The following SCD5 variants were observed in gnomAD, a reference collection of about 807,000 sequenced individuals.
SCD5 encodes stearoyl-CoA desaturase 5.
A neutral mutation model predicts 30.4 loss-of-function variants in SCD5; 20 were observed. The ratio of observed to expected loss-of-function variants is 0.66; its 90% CI spans 0.46 to 0.96. The LOEUF is 0.96. SCD5 is among the 40% of genes least tolerant of loss of function. The pLI is 0.00. For missense variants in SCD5, 381 were observed against 443.3 expected (o/e 0.86, Z 1.26); for synonymous variants, 173 against 176.4 (o/e 0.98, Z 0.16).
At chr4:82,722,399 T>C (rs1033604177) in intron 1 of SCD5, among the ~76,000 whole-genome samples, 6 of 152,172 alleles carry the variant, frequency 3.9e-5, no homozygotes, top group South Asian at 2.1e-4. Flanking sequence ...TAATAAGTAA[T>C]TGTTATGTTT....
Position 82,661,138 on chromosome 4 carries a change from A to G in SCD5, c.569+19569T>C, listed in dbSNP as rs1578009954. ...CCCAGGTTTGTTCAGCAAGGGTTTA[A>G]TTTCTCTAGTGCTCCTGTAGAAATT... is the stretch of plus-strand genomic sequence containing the variant. On this transcript the variant is annotated intron_variant, in intron 3 of 4. Coordinates refer to ENST00000319540, the MANE Select transcript of SCD5 (RefSeq NM_001037582.3). The G allele has an allele frequency of 7.8e-6, 11 of 1,412,688 alleles. No homozygotes were observed. In the East Asian group the frequency reaches 2.5e-4, roughly 32 times the overall value. 87.5% of individuals were successfully genotyped at this position (1,412,688 alleles called of 1,614,324 possible).
chr4:82,642,903 G>C (rs1453282328), intron 3 of SCD5, among the ~76,000 whole-genome samples: 1 of 152,134 alleles, frequency 6.6e-6, no homozygotes, highest in East Asian at 1.9e-4. Flanking sequence ...TGGAATGTCT[G>C]GATTTTGTTC....
intron 1 of SCD5, among the ~76,000 whole-genome samples, chr4:82,713,155 C>T (rs1720146668): frequency 6.6e-6 from 1 of 152,172 alleles, no homozygotes; most frequent in African/African-American, 2.4e-5. Flanking sequence ...CTGCCCACAT[C>T]TAGGAAGATT....
intron 3 of SCD5, among the ~76,000 whole-genome samples, chr4:82,664,999 C>CTA (rs70964800): frequency 0.027 from 1,907 of 70,396 alleles, 65 homozygotes; most frequent in East Asian, 0.081. Flanking sequence ...CTCTCTCTCT[C>CTA]TATATATATA....
chr4:82,726,586 A>G (rs1880716), intron 1 of SCD5, among the ~76,000 whole-genome samples: 94,117 of 150,802 alleles, frequency 0.62, 32,030 homozygotes, highest in African/African-American at 0.91. Flanking sequence ...AGAGACCTGC[A>G]CTAAGTAATA....
intron 1 of SCD5, among the ~76,000 whole-genome samples, chr4:82,742,341 A>G (rs17006239): frequency 0.074 from 11,303 of 152,182 alleles, 1,430 homozygotes; most frequent in African/African-American, 0.26. Flanking sequence ...GCCACTCAGA[A>G]GAGAGAGCTG....
chr4:82,781,213 G>A (rs777066221), intron 1 of SCD5, among the ~76,000 whole-genome samples: 48 of 152,210 alleles, frequency 3.2e-4, no homozygotes, highest in Non-Finnish European at 6.0e-4. Flanking sequence ...TCAGGAGTTC[G>A]AGACCAGCCT....
intron 1 of SCD5, among the ~76,000 whole-genome samples, chr4:82,743,882 T>G (rs1032439781): frequency 2.6e-5 from 4 of 151,392 alleles, no homozygotes; most frequent in African/African-American, 9.7e-5. Flanking sequence ...CCACGCTGGG[T>G]TGCAGTGGCA....
intron 1 of SCD5, among the ~76,000 whole-genome samples, chr4:82,788,090 T>G (rs1327766673): frequency 6.6e-6 from 1 of 152,152 alleles, no homozygotes; most frequent in Non-Finnish European, 1.5e-5. Context: ...GAAGAGACCC[T>G]TCACCCCTTT....
rs1243074183 is a variant in SCD5 at position 82,630,028 on chromosome 4, T to C, written c.*1299A>G. The stretch of plus-strand genomic sequence containing the variant: ...TAGCTAAAGTACATGCATCAGTGGC[T>C]GGGATCAATTAGAATATAAATTAGG... On this transcript the variant is annotated 3_prime_UTR_variant, in exon 5 of 5. Coordinates refer to ENST00000319540, the MANE Select transcript of SCD5 (RefSeq NM_001037582.3). 6.6e-6 allele frequency: 1 copy of C among 152,232 alleles called. No homozygotes were observed. Among genetic ancestry groups the C allele is most frequent in the Non-Finnish European group, 1.5e-5 (1 of 68,050 alleles). The allele number at this position is 152,232 out of a possible 1,614,324, so 9.4% of individuals were successfully genotyped here. A position where few individuals can be genotyped will look rare whatever the true frequency, so the allele number is the denominator to read the frequency against.
chr4:82,647,021 C>T (rs892249282), intron 3 of SCD5, among the ~76,000 whole-genome samples: 2 of 152,188 alleles, frequency 1.3e-5, no homozygotes, highest in African/African-American at 2.4e-5. Flanking sequence ...GACAGAGTTT[C>T]AACATGTTGG....
intron 2 of SCD5, among the ~76,000 whole-genome samples, chr4:82,682,697 A>C (rs1728603628): frequency 6.6e-6 from 1 of 152,184 alleles, no homozygotes; most frequent in Admixed American, 6.5e-5. Flanking sequence ...CCCAGGCTAG[A>C]GTACAGTGGT....
At chr4:82,698,167 G>C (rs1719736572) in intron 2 of SCD5, 2 of 455,884 alleles carry the variant, frequency 4.4e-6, no homozygotes, top group Admixed American at 4.7e-5. Context: ...CAGAAGAAAA[G>C]TTGTGCATCT....
At chr4:82,752,907 G>T (rs1000559561) in intron 1 of SCD5, among the ~76,000 whole-genome samples, 1 of 152,136 alleles carries the variant, frequency 6.6e-6, no homozygotes, top group Non-Finnish European at 1.5e-5. Flanking sequence ...TGATAAAAGG[G>T]AGGTCCTCTT....
chr4:82,781,478 A>C (rs1721872249), intron 1 of SCD5, among the ~76,000 whole-genome samples: 1 of 151,810 alleles, frequency 6.6e-6, no homozygotes, highest in Admixed American at 6.6e-5. Context: ...AAGAGAAGGG[A>C]GGGGAAAGAT....
intron 1 of SCD5, among the ~76,000 whole-genome samples, chr4:82,744,965 G>A (rs78201268): frequency 0.015 from 2,353 of 152,238 alleles, 33 homozygotes; most frequent in Admixed American, 0.024. Context: ...TCTGTAGAAA[G>A]ATACGTGAGT....
In SCD5 at chr4:82,631,193, A is replaced by T. The variant is rs1244794757; in HGVS notation, c.*134T>A. On this transcript the variant is annotated 3_prime_UTR_variant, in exon 5 of 5. Coordinates refer to ENST00000319540, the MANE Select transcript of SCD5 (RefSeq NM_001037582.3). ...ACATTATTTTGAGATAAACAAAAAC[A>T]TTCCCAAACCACATTGACTCGTTCC... is the stretch of plus-strand genomic sequence containing the variant. 21 of 636,432 alleles carry T rather than the reference A, an allele frequency of 3.3e-5. No homozygotes were observed. The highest frequency in any genetic ancestry group is 4.5e-4 in the Middle Eastern group (1 of 2,206). The allele number at this position is 636,432 out of a possible 1,614,324, so 39.4% of individuals were successfully genotyped here. A position where few individuals can be genotyped will look rare whatever the true frequency, so the allele number is the denominator to read the frequency against.
intron 3 of SCD5, among the ~76,000 whole-genome samples, chr4:82,650,695 CAA>C (rs569614575): frequency 7.0e-6 from 1 of 143,236 alleles, no homozygotes; most frequent in African/African-American, 2.6e-5. Flanking sequence ...GAACTTGTGT[CAA>C]AAAAAAAAAA....
At chr4:82,742,966 T>C (rs1720908241) in intron 1 of SCD5, among the ~76,000 whole-genome samples, 1 of 151,918 alleles carries the variant, frequency 6.6e-6, no homozygotes, top group African/African-American at 2.4e-5. Context: ...ATTCAGAAAC[T>C]AGCTAGCACA....
Sources: gnomAD v4.1 joint callset for allele counts (sites outside exome capture counted in the v4.1 genomes callset) on GRCh38, gnomAD v4.1.1 for gene constraint, MANE v1.5 for transcripts, NCBI Gene and HGNC (gene_info 2026-07-23, HGNC 2026-07-21) for gene names.